The following SPATA31C1 variants were observed in gnomAD, a reference collection of about 807,000 sequenced individuals.
The protein encoded by SPATA31C1 is spermatogenesis-associated protein 31C1.
exon 5 of SPATA31C1, chr9:87,922,129 C>A: frequency 6.2e-7 from 1 of 1,613,800 alleles, no homozygotes; most frequent in Non-Finnish European, 8.5e-7. Context: ...CAGGCCTCCT[C>A]ACCTGCATGT....
chr9:87,920,102 G>C (rs1828811789), intron 4 of SPATA31C1, 126 bp downstream of exon 3: 5 of 1,605,690 alleles, frequency 3.1e-6, no homozygotes, highest in Non-Finnish European at 4.3e-6. Flanking sequence ...GTAAAGCCCT[G>C]GGGCGAGGGG....
exon 5 of SPATA31C1, chr9:87,921,839 T>C (rs747889676): frequency 8.1e-6 from 13 of 1,611,886 alleles, no homozygotes; most frequent in Non-Finnish European, 1.1e-5. Flanking sequence ...TTTCCTTCCT[T>C]GAGCTGTGTA....
rs772814322 is a variant in SPATA31C1 at position 87,920,396 on chromosome 9, G to A, written n.786G>A. On this transcript the variant is annotated non_coding_transcript_exon_variant, in exon 5 of 5. Coordinates refer to ENST00000420021, the Ensembl canonical transcript of SPATA31C1. ...AAGATGCTGCTCCCATTGTCTCCCC[G>A]TTAGCTTCCCCGGATCCTCGAACCA... 3.2e-5 allele frequency: 51 copies of A among 1,613,836 alleles called. No homozygotes were observed. The Middle Eastern group carries it at 4.9e-4, about 16-fold the overall frequency.
At chr9:87,921,474 C>A in exon 5 of SPATA31C1, 2 of 1,611,876 alleles carry the variant, frequency 1.2e-6, no homozygotes, top group Non-Finnish European at 1.7e-6. Flanking sequence ...ATGCCCACAT[C>A]TGGGGCAAAT....
Position 87,919,206 on chromosome 9 carries a change from G to T in SPATA31C1, n.523-85G>T, listed in dbSNP as rs540328103. 4.0e-5 allele frequency: 64 copies of T among 1,580,478 alleles called. No homozygotes were observed. In the African/African-American group the frequency reaches 7.8e-4, roughly 19 times the overall value. On this transcript the variant is annotated intron_variant and non_coding_transcript_variant, in intron 2 of 4. Transcript: ENST00000420021. ...TGAGTGCAGCGTGCTGCGGCTGGGGGCAGAGAGGGAGAGCCGGTCCTAGCT... is the reference window on the plus strand; with the variant it reads ...TGAGTGCAGCGTGCTGCGGCTGGGGTCAGAGAGGGAGAGCCGGTCCTAGCT...
chr9:87,922,845 T>C (rs757572071), exon 5 of SPATA31C1: 100 of 1,606,144 alleles, frequency 6.2e-5, no homozygotes, highest in Non-Finnish European at 8.5e-5. Flanking sequence ...GTTTCAAGGA[T>C]TGAGGACTCC....
exon 5 of SPATA31C1, chr9:87,920,897 G>A (rs1320115526): frequency 6.2e-7 from 1 of 1,613,248 alleles, no homozygotes; most frequent in South Asian, 1.1e-5. Flanking sequence ...TCCAGGCCCA[G>A]CCCCTGTCCC....
downstream of SPATA31C1, chr9:87,923,552 C>G (rs1828941637): frequency 8.5e-7 from 1 of 1,179,004 alleles, no homozygotes; most frequent in East Asian, 2.6e-5. Context: ...TAGAGAAAAA[C>G]AAGTCACCAA....
At chr9:87,921,305 T>C (rs1828858923) in exon 5 of SPATA31C1, 2 of 1,611,790 alleles carry the variant, frequency 1.2e-6, no homozygotes, top group Admixed American at 1.7e-5. Context: ...TGGGGCAACG[T>C]GGAAGGATCC....
At chr9:87,921,630 A>C (rs1464170354) in exon 5 of SPATA31C1, 33 of 1,611,934 alleles carry the variant, frequency 2.0e-5, no homozygotes, top group Non-Finnish European at 2.8e-5. Flanking sequence ...ACGCACAGAG[A>C]GGAATCATAT....
downstream of SPATA31C1, chr9:87,923,607 T>G: frequency 1.4e-6 from 1 of 704,460 alleles, no homozygotes. Flanking sequence ...TCTCTCATGT[T>G]AGTACACGCA....
chr9:87,922,938 T>C, exon 5 of SPATA31C1: 1 of 1,598,224 alleles, frequency 6.3e-7, no homozygotes, highest in African/African-American at 1.4e-5. Context: ...ACAGCCTCCT[T>C]CAATAAGCCA....
exon 5 of SPATA31C1, chr9:87,922,641 A>C (rs759594064): frequency 6.2e-7 from 1 of 1,608,790 alleles, no homozygotes; most frequent in South Asian, 1.1e-5. Context: ...CCATCTCCAG[A>C]GCACGCCTAC....
At chr9:87,921,090 C>A in exon 5 of SPATA31C1, 8 of 1,611,470 alleles carry the variant, frequency 5.0e-6, no homozygotes, top group Non-Finnish European at 6.8e-6. Context: ...AGTGCAAGCT[C>A]TCTCCTTACC....
At chr9:87,920,853 C>T (rs1261793598) in exon 5 of SPATA31C1, 14 of 1,613,486 alleles carry the variant, frequency 8.7e-6, no homozygotes, top group African/African-American at 2.7e-5. Context: ...TCATCTTTCC[C>T]GCCAAAGGGA....
exon 5 of SPATA31C1, chr9:87,921,105 A>C (rs1170318070): frequency 6.2e-7 from 1 of 1,611,528 alleles, no homozygotes; most frequent in Non-Finnish European, 8.5e-7. Flanking sequence ...CTTACCTGAA[A>C]CTCAGCACCC....
At chr9:87,922,277 C>G (rs1828895237) in exon 5 of SPATA31C1, 1 of 1,612,404 alleles carries the variant, frequency 6.2e-7, no homozygotes, top group African/African-American at 1.3e-5. Flanking sequence ...CCCAGCAGAG[C>G]AGGAGCTTAG....
chr9:87,923,311 G>C (rs756009732), exon 5 of SPATA31C1: 2 of 1,602,922 alleles, frequency 1.2e-6, no homozygotes, highest in Non-Finnish European at 1.7e-6. Flanking sequence ...AACAGAGACA[G>C]ACAAATCAGA....
chr9:87,922,123 C>T lies in SPATA31C1; in HGVS notation n.2513C>T, dbSNP rs781736297. On this transcript the variant is annotated non_coding_transcript_exon_variant, in exon 5 of 5. Transcript: ENST00000420021. ...GTTCACATGCCAGAGAGGCTTCAGG[C>T]CTCCTCACCTGCATGTAAGCAGTTC... The T allele has an allele frequency of 5.6e-6, 9 of 1,613,784 alleles. No homozygotes were observed. In the South Asian group the frequency reaches 6.6e-5, roughly 12 times the overall value.
Sources: gnomAD v4.1 joint callset for allele counts on GRCh38, gnomAD v4.1.1 for gene constraint, MANE v1.5 for transcripts, NCBI Gene and HGNC (gene_info 2026-07-23, HGNC 2026-07-21) for gene names.